Variants in FBXL2 observed in about 807,000 individuals in gnomAD.
FBXL2 encodes F-box and leucine rich repeat protein 2.
A neutral mutation model predicts 69.2 loss-of-function variants in FBXL2; 38 were observed. That is an observed-to-expected ratio of 0.55 (90% CI 0.42 to 0.72). The LOEUF (loss-of-function observed/expected upper bound fraction) is 0.72, where lower values mean the gene tolerates loss of function less well. Ranked by LOEUF, FBXL2 falls within the 30% of genes least tolerant of loss-of-function variation. The pLI, the probability that FBXL2 is intolerant of heterozygous loss-of-function variation, is 0.00. For missense variants in FBXL2, 354 were observed against 520.3 expected (o/e 0.68, Z 3.11); for synonymous variants, 192 against 201.3 (o/e 0.95, Z 0.39).
intron 2 of FBXL2, among the ~76,000 whole-genome samples, chr3:33,321,339 AAAAG>A (rs1390999816): frequency 1.3e-5 from 2 of 151,982 alleles, no homozygotes; most frequent in Non-Finnish European, 1.5e-5. Flanking sequence ...AAAAAGAAAA[AAAAG>A]AAAAAGAAAA....
intron 2 of FBXL2, among the ~76,000 whole-genome samples, chr3:33,331,149 G>A (rs1293346664): frequency 6.6e-6 from 1 of 151,726 alleles, no homozygotes; most frequent in African/African-American, 2.4e-5. Context: ...ACCAGACTAT[G>A]TACCATACTA....
In FBXL2 at chr3:33,387,968, A is replaced by G. The variant is rs1190975513; in HGVS notation, c.*2360A>G. 2 of 150,578 alleles carry G rather than the reference A, an allele frequency of 1.3e-5. No individual in the cohort carries two copies. Among genetic ancestry groups the G allele is most frequent in the African/African-American group, 4.9e-5 (2 of 40,842 alleles). The allele number at this position is 150,578 out of a possible 1,614,324, so 9.3% of individuals were successfully genotyped here. A position where few individuals can be genotyped will look rare whatever the true frequency, so the allele number is the denominator to read the frequency against. Reference sequence around the variant, plus strand: ...GCCTGTAGTCCCAGCTACTCAGGAGACTGAGGCAGAAGAATGGCGTGAACC... The same window carrying G: ...GCCTGTAGTCCCAGCTACTCAGGAGGCTGAGGCAGAAGAATGGCGTGAACC... On this transcript the variant is annotated 3_prime_UTR_variant, in exon 15 of 15. Transcript: ENST00000484457.
At chr3:33,409,222 C>CT in the FBXL2 span, 1 of 1,611,998 alleles carries the variant, frequency 6.2e-7, no homozygotes, top group Non-Finnish European at 8.5e-7. Flanking sequence ...AAACCAAATG[C>CT]TTTACTACAT....
At chr3:33,311,851 C>T (rs779371037) in intron 2 of FBXL2, among the ~76,000 whole-genome samples, 2 of 152,102 alleles carry the variant, frequency 1.3e-5, no homozygotes, top group Non-Finnish European at 2.9e-5. Context: ...GTCTCGATCT[C>T]CTGACCCCAT....
chr3:33,422,125 T>C, the FBXL2 span, among the ~76,000 whole-genome samples: 1 of 151,386 alleles, frequency 6.6e-6, no homozygotes, highest in Non-Finnish European at 1.5e-5. Flanking sequence ...TCTGGATCTT[T>C]GTTTGTCTTA....
the FBXL2 span, among the ~76,000 whole-genome samples, chr3:33,419,095 A>G: frequency 2.0e-5 from 3 of 152,204 alleles, no homozygotes; most frequent in African/African-American, 7.2e-5. Context: ...TGTAAAGTGT[A>G]ACAGAAAGAA....
intron 2 of FBXL2, among the ~76,000 whole-genome samples, chr3:33,328,800 C>CGTGTGTGT (rs1307108395): frequency 8.0e-6 from 1 of 125,230 alleles, no homozygotes; most frequent in Non-Finnish European, 1.6e-5. Flanking sequence ...TGTGTGTGTG[C>CGTGTGTGT]ATGTGTGTGT....
intron 2 of FBXL2, among the ~76,000 whole-genome samples, chr3:33,332,899 G>A (rs955600583): frequency 3.9e-5 from 6 of 152,176 alleles, no homozygotes; most frequent in Non-Finnish European, 7.4e-5. Context: ...AGTACAGTGG[G>A]ATATTATTCA....
At chr3:33,301,893 CTCT>C (rs1176946273) in intron 2 of FBXL2, among the ~76,000 whole-genome samples, 3 of 152,172 alleles carry the variant, frequency 2.0e-5, no homozygotes, top group Non-Finnish European at 4.4e-5. Context: ...CAGATTTCAA[CTCT>C]TCTTATTTAT....
At chr3:33,369,244 T>A (rs2042141905) in intron 5 of FBXL2, among the ~76,000 whole-genome samples, 1 of 151,332 alleles carries the variant, frequency 6.6e-6, no homozygotes, top group Non-Finnish European at 1.5e-5. Context: ...TAGAGACAGG[T>A]TTTCACCATG....
chr3:33,340,059 CA>C (rs2039899019), intron 2 of FBXL2, among the ~76,000 whole-genome samples: 1 of 152,116 alleles, frequency 6.6e-6, no homozygotes, highest in Non-Finnish European at 1.5e-5. Context: ...ATGTGAAGTG[CA>C]ATATCAGTTG....
chr3:33,411,112 G>C, the FBXL2 span, among the ~76,000 whole-genome samples: 13 of 149,686 alleles, frequency 8.7e-5, no homozygotes, highest in Non-Finnish European at 1.3e-4. Context: ...ATAACTAAAA[G>C]GGGGCGGAAA....
chr3:33,303,146 A>G (rs1432002272), intron 2 of FBXL2: 1 of 456,590 alleles, frequency 2.2e-6, no homozygotes, highest in Non-Finnish European at 4.4e-6. Flanking sequence ...CTTATATACC[A>G]GGGCATCCTA....
At chr3:33,278,168 T>C (rs946638304) in intron 1 of FBXL2, 1 of 152,206 alleles carries the variant, frequency 6.6e-6, no homozygotes, top group African/African-American at 2.4e-5. Flanking sequence ...TCATTACCTT[T>C]GTTCAGTTAA....
At position 33,355,830 on chromosome 3, in the gene FBXL2, G is replaced by A. The variant is rs546606396; in HGVS notation, c.66-3137G>A. 8.5e-5 allele frequency among the ~76,000 whole-genome samples: 13 copies of A among 152,272 alleles called. No individual in the cohort carries two copies. In the East Asian group the frequency reaches 1.5e-3, roughly 18 times the overall value. ...GTTTGCCACTCATGTCGCTATCTCCGTTTCTATTGACAGTATCCCAGGCTG... is the reference window on the plus strand; with the variant it reads ...GTTTGCCACTCATGTCGCTATCTCCATTTCTATTGACAGTATCCCAGGCTG... On this transcript the variant is annotated intron_variant, in intron 2 of 14. Transcript: ENST00000484457.
chr3:33,346,543 A>G (rs1435328738), intron 2 of FBXL2, among the ~76,000 whole-genome samples: 1 of 152,190 alleles, frequency 6.6e-6, no homozygotes, highest in East Asian at 1.9e-4. Flanking sequence ...TGGGTGACAT[A>G]GCGAGACCCC....
At chr3:33,383,930 AG>A in intron 13 of FBXL2, 58 bp from the exon 14 acceptor site, 5 of 1,545,260 alleles carry the variant, frequency 3.2e-6, no homozygotes, top group Non-Finnish European at 4.5e-6. Context: ...GCTTTTTTTT[AG>A]GACTTGAGCC....
At chr3:33,389,040 TC>T (rs1361545458), downstream of FBXL2, 2 of 152,472 alleles carry the variant, frequency 1.3e-5, no homozygotes, top group Non-Finnish European at 2.9e-5. Flanking sequence ...ACCACAGGCC[TC>T]AAACATGCTT....
At chr3:33,303,638 T>C (rs1180451223) in intron 2 of FBXL2, among the ~76,000 whole-genome samples, 1 of 152,082 alleles carries the variant, frequency 6.6e-6, no homozygotes, top group Non-Finnish European at 1.5e-5. Flanking sequence ...ACAGAAAAGA[T>C]TGGTGAATTT....
Sources: allele counts gnomAD v4.1 joint callset (sites outside exome capture counted in the v4.1 genomes callset), GRCh38; gene constraint gnomAD v4.1.1; transcripts MANE v1.5; gene names NCBI Gene and HGNC (gene_info 2026-07-23, HGNC 2026-07-21).